Variants in L2HGDH observed in about 807,000 individuals in gnomAD.
L2HGDH encodes L-2-hydroxyglutarate dehydrogenase, also known as L-2-hydroxyglutarate dehydrogenase, mitochondrial.
Under a neutral mutation model 51.5 loss-of-function variants are expected in L2HGDH, and 34 were observed. The observed-to-expected ratio is 0.66, with a 90% CI of 0.50 to 0.88. The LOEUF (loss-of-function observed/expected upper bound fraction) is 0.88. L2HGDH is among the 40% of genes least tolerant of loss of function. The pLI, the probability that L2HGDH is intolerant of heterozygous loss-of-function variation, is 0.00. For missense variants in L2HGDH, 558 were observed against 571.9 expected, an observed-to-expected ratio of 0.98 and a Z score of 0.25; for synonymous variants, 198 against 197.9, an observed-to-expected ratio of 1.00 and a Z score of -0.01.
Position 50,245,765 on chromosome 14 carries a change from A to G in L2HGDH, c.*1293T>C. On this transcript the variant is annotated 3_prime_UTR_variant, in exon 10 of 10. Transcript: ENST00000267436. Reference sequence around the variant, plus strand: ...ATCTATTTTTATGCCATCTTTCTCCAAAACTCTTAAAAAGCCAAATCTTCT... The same window carrying G: ...ATCTATTTTTATGCCATCTTTCTCCGAAACTCTTAAAAAGCCAAATCTTCT... 1.0e-6 allele frequency: 1 copy of G among 985,356 alleles called. No homozygotes were observed. The highest frequency in any genetic ancestry group is 1.2e-6 in the Non-Finnish European group (1 of 829,886). 61.0% of individuals were successfully genotyped at this position (985,356 alleles called of 1,614,324 possible).
intron 1 of L2HGDH, among the ~76,000 whole-genome samples, chr14:50,310,803 C>T (rs1439993383): frequency 6.6e-6 from 1 of 152,102 alleles, no homozygotes; most frequent in Non-Finnish European, 1.5e-5. Flanking sequence ...TGTCCACATG[C>T]CCCATAACAA....
Position 50,302,063 on chromosome 14 carries a change from T to G in L2HGDH, c.362A>C (p.Tyr121Ser). ...AATTCCCTTTTGCTGACAGTACTCATAGAGGAGGGCTGCACCTTGTACACA... is the reference window on the plus strand; with the variant it reads ...AATTCCCTTTTGCTGACAGTACTCAGAGAGGAGGGCTGCACCTTGTACACA... The part of the protein sequence containing the change: ...KLCVQGAALL[Y>S]EYCQQKGISY... The change falls in exon 3 of 10, where the codon TAT (tyrosine) becomes TCT (serine). Residue 121 changes from tyrosine to serine, a missense_variant. Physicochemically the swap from Tyr to Ser is moderately radical, Grantham distance 144. Coordinates refer to ENST00000267436, the MANE Select transcript of L2HGDH (RefSeq NM_024884.3). The G allele has an allele frequency of 6.2e-7, 1 of 1,614,110 alleles. No individual in the cohort carries two copies. The highest frequency in any genetic ancestry group is 8.5e-7 in the Non-Finnish European group (1 of 1,180,022).
intron 4 of L2HGDH, among the ~76,000 whole-genome samples, chr14:50,290,498 C>G (rs899792999): frequency 6.6e-6 from 1 of 152,152 alleles, no homozygotes; most frequent in Non-Finnish European, 1.5e-5. Context: ...GGGTAGGCAA[C>G]CTTTTTTATA....
chr14:50,284,338 G>T lies in L2HGDH; in HGVS notation c.541-305C>A, dbSNP rs573755667. Among the ~76,000 whole-genome samples, 10 of 152,306 alleles carry T rather than the reference G, an allele frequency of 6.6e-5. 1 individual carries two copies. Among genetic ancestry groups the T allele is most frequent in the Middle Eastern group, 3.4e-3 (1 of 294 alleles). On this transcript the variant is annotated intron_variant, in intron 4 of 9. Transcript: ENST00000267436. ...CATACTTAGTAAGAACTCAAGAGTT[G>T]TTCTAGCTACTCACAATGTTTCCAG...
At chr14:50,269,666 C>CTTCTTAACTA (rs1215730567) in intron 6 of L2HGDH, among the ~76,000 whole-genome samples, 5 of 152,232 alleles carry the variant, frequency 3.3e-5, no homozygotes, top group African/African-American at 9.6e-5. Context: ...TAGCAGGGAG[C>CTTCTTAACTA]TTCTTAACTA....
At chr14:50,267,708 A>G in intron 8 of L2HGDH, 45 bp downstream of exon 8, 1 of 1,473,836 alleles carries the variant, frequency 6.8e-7, no homozygotes. Context: ...TCCCACATTG[A>G]AAATATAAGC....
chr14:50,294,357 T>C, intron 3 of L2HGDH, 111 bp from the exon 4 acceptor site: 5 of 1,016,794 alleles, frequency 4.9e-6, no homozygotes, highest in South Asian at 1.7e-5. Context: ...AGGAGGTTAA[T>C]TTTTTAAAAT....
At chr14:50,275,095 G>A (rs966544236) in intron 6 of L2HGDH, among the ~76,000 whole-genome samples, 1 of 152,146 alleles carries the variant, frequency 6.6e-6, no homozygotes, top group African/African-American at 2.4e-5. Context: ...TGGTATACTT[G>A]AAATTTGCTA....
intron 9 of L2HGDH, among the ~76,000 whole-genome samples, chr14:50,247,649 A>C (rs1334963438): frequency 1.3e-5 from 2 of 152,242 alleles, no homozygotes; most frequent in African/African-American, 4.8e-5. Flanking sequence ...TCTGAGTAAT[A>C]CAAATCAATG....
intron 1 of L2HGDH, among the ~76,000 whole-genome samples, chr14:50,309,688 C>CT (rs11375607): frequency 0.54 from 76,508 of 142,576 alleles, 20,217 homozygotes; most frequent in East Asian, 0.65. Flanking sequence ...TTATACCACC[C>CT]TTTTTTTTTT....
intron 3 of L2HGDH, among the ~76,000 whole-genome samples, chr14:50,301,120 C>T (rs2139210392): frequency 6.6e-6 from 1 of 152,290 alleles, no homozygotes; most frequent in Admixed American, 6.5e-5. Context: ...CACTAGGGAA[C>T]TGCAAATCAA....
intron 5 of L2HGDH, among the ~76,000 whole-genome samples, chr14:50,283,490 T>C (rs995736210): frequency 6.6e-6 from 1 of 151,442 alleles, no homozygotes; most frequent in South Asian, 2.1e-4. Flanking sequence ...CCCTAAAATA[T>C]CCCAATTAAA....
Position 50,269,313 on chromosome 14 carries a change from A to G in L2HGDH, c.756T>C (p.Cys252=), listed in dbSNP as rs141562044. ...GTCCTGCACATGTCACAACATACTG[A>G]CATCGAATTTCCTCTCCCTAGTGCA... The part of the protein sequence containing the change: ...IKNTKGEEIR[C]QYVVTCAGLY... The change falls in exon 7 of 10, where the codon TGT becomes TGC. Residue 252 remains cysteine, a synonymous_variant. Coordinates refer to ENST00000267436, the MANE Select transcript of L2HGDH (RefSeq NM_024884.3). The G allele has an allele frequency of 9.9e-5, 159 of 1,614,138 alleles. No homozygotes were observed. The African/African-American group carries it at 1.7e-3, about 18-fold the overall frequency.
chr14:50,286,891 A>G (rs1234109787), intron 4 of L2HGDH, among the ~76,000 whole-genome samples: 1 of 152,146 alleles, frequency 6.6e-6, no homozygotes, highest in African/African-American at 2.4e-5. Flanking sequence ...ACTTATCACT[A>G]TATCTTCTTT....
At chr14:50,266,777 T>A (rs1237043451) in intron 8 of L2HGDH, among the ~76,000 whole-genome samples, 2 of 152,066 alleles carry the variant, frequency 1.3e-5, no homozygotes, top group Non-Finnish European at 2.9e-5. Context: ...AAGTATAGCT[T>A]TAAATCTAGT....
At chr14:50,260,888 G>A (rs1456579601) in intron 9 of L2HGDH, among the ~76,000 whole-genome samples, 1 of 152,120 alleles carries the variant, frequency 6.6e-6, no homozygotes, top group African/African-American at 2.4e-5. Context: ...GGCCAAGGCG[G>A]GTGGATTACC....
intron 6 of L2HGDH, among the ~76,000 whole-genome samples, chr14:50,271,684 T>C (rs549823336): frequency 6.6e-6 from 1 of 152,164 alleles, no homozygotes; most frequent in East Asian, 1.9e-4. Context: ...CCCTATGTTT[T>C]ATTAGAGATA....
chr14:50,312,069 C>A lies in L2HGDH; in HGVS notation c.82G>T (p.Gly28Trp). The change falls in exon 1 of 10, where the codon GGG (glycine) becomes TGG (tryptophan). Residue 28 changes from glycine to tryptophan, a missense_variant. Gly to Trp is a radical substitution (Grantham distance 184). This residue lies in a region of L2HGDH where 194 missense variants were observed against 187.2 expected (regional missense o/e 1.04). Coordinates refer to ENST00000267436, the MANE Select transcript of L2HGDH (RefSeq NM_024884.3). ...LFAGGSPGAC[G>W]FASGRPRPLC... ...GGTCTTGGCCTCCCAGACGCGAACC[C>A]GCACGCCCCAGGGGAGCCACCGGCG... The A allele has an allele frequency of 6.2e-7, 1 of 1,600,144 alleles. No homozygotes were observed. The highest frequency in any genetic ancestry group is 8.5e-7 in the Non-Finnish European group (1 of 1,174,748).
At chr14:50,251,409 T>C (rs1888342353) in intron 9 of L2HGDH, among the ~76,000 whole-genome samples, 2 of 152,170 alleles carry the variant, frequency 1.3e-5, no homozygotes, top group Non-Finnish European at 2.9e-5. Flanking sequence ...CTAAGAGTTA[T>C]TGGCCTAAAA....
Sources: allele counts gnomAD v4.1 joint callset (sites outside exome capture counted in the v4.1 genomes callset), GRCh38; gene constraint gnomAD v4.1.1; regional missense constraint gnomAD v4.1.1; transcripts MANE v1.5; gene names NCBI Gene and HGNC (gene_info 2026-07-23, HGNC 2026-07-21).